The following FBXL7 variants were observed in gnomAD, a reference collection of about 807,000 sequenced individuals.
The protein encoded by FBXL7 is F-box/LRR-repeat protein 7.
Under a neutral mutation model 38.3 loss-of-function variants are expected in FBXL7, and 12 were observed. The ratio of observed to expected loss-of-function variants is 0.31; its 90% CI spans 0.20 to 0.51. The LOEUF is 0.51. Among genes scored for constraint, FBXL7 ranks in the 20% least tolerant of loss-of-function variants. FBXL7 has a pLI of 0.98. For missense variants in FBXL7, 567 were observed against 676.4 expected (o/e 0.84, Z 1.79); for synonymous variants, 297 against 300.9 (o/e 0.99, Z 0.13).
intron 2 of FBXL7, among the ~76,000 whole-genome samples, chr5:15,698,940 C>T (rs1352833962): frequency 6.6e-6 from 1 of 152,108 alleles, no homozygotes; most frequent in Non-Finnish European, 1.5e-5. Context: ...TGCCATAGAC[C>T]CTGAGACACT....
At chr5:15,684,488 C>T (rs1298763624) in intron 2 of FBXL7, among the ~76,000 whole-genome samples, 1 of 151,976 alleles carries the variant, frequency 6.6e-6, no homozygotes, top group South Asian at 2.1e-4. Flanking sequence ...AATAATGGCC[C>T]CCAAGAATGT....
chr5:15,812,749 C>T (rs1005315444), intron 2 of FBXL7, among the ~76,000 whole-genome samples: 22 of 152,088 alleles, frequency 1.4e-4, no homozygotes, highest in African/African-American at 5.3e-4. Flanking sequence ...GATATTGATT[C>T]TTCCTATCCA....
chr5:15,877,936 A>G (rs1007739761), intron 2 of FBXL7, among the ~76,000 whole-genome samples: 1 of 152,076 alleles, frequency 6.6e-6, no homozygotes, highest in African/African-American at 2.4e-5. Context: ...GTCTCTTCAT[A>G]CAGTTTCTCG....
At chr5:15,585,687 T>C (rs965426423) in intron 1 of FBXL7, among the ~76,000 whole-genome samples, 2 of 152,240 alleles carry the variant, frequency 1.3e-5, no homozygotes, top group Non-Finnish European at 2.9e-5. Context: ...CCATTAACTC[T>C]AACTCCATCA....
At chr5:15,506,022 A>G (rs1239985597) in intron 1 of FBXL7, among the ~76,000 whole-genome samples, 1 of 152,214 alleles carries the variant, frequency 6.6e-6, no homozygotes, top group South Asian at 2.1e-4. Context: ...GTAAGACAGC[A>G]AAGCTAGCAG....
intron 1 of FBXL7, among the ~76,000 whole-genome samples, chr5:15,539,283 A>G (rs1737670807): frequency 1.3e-5 from 2 of 152,188 alleles, no homozygotes; most frequent in Admixed American, 1.3e-4. Flanking sequence ...ATAGGGATTC[A>G]TAGTTAAATG....
Position 15,577,255 on chromosome 5 carries a change from G to A in FBXL7, c.38-38728G>A, listed in dbSNP as rs138278247. Among the ~76,000 whole-genome samples, 635 of 152,172 alleles carry A rather than the reference G, an allele frequency of 4.2e-3. 7 individuals are homozygous for A. The highest frequency in any genetic ancestry group is 0.015 in the African/African-American group (602 of 41,504). ...CGTGGCCTCTGACAATGTCATCCAC[G>A]TCCTCGTGGCGTTAATTATCTACAC... On this transcript the variant is annotated intron_variant, in intron 1 of 3. Coordinates refer to ENST00000504595, the MANE Select transcript of FBXL7 (RefSeq NM_012304.5).
At position 15,912,521 on chromosome 5, in the gene FBXL7, G is replaced by C. The variant is rs551600679; in HGVS notation, c.128-15369G>C. Among the ~76,000 whole-genome samples, 6 of 152,088 alleles carry C rather than the reference G, an allele frequency of 3.9e-5. 1 individual carries two copies. Among genetic ancestry groups the C allele is most frequent in the Middle Eastern group, 3.4e-3 (1 of 294 alleles). On this transcript the variant is annotated intron_variant, in intron 2 of 3. Coordinates refer to ENST00000504595, the MANE Select transcript of FBXL7 (RefSeq NM_012304.5). ...ACGCTGGGAGCTGTAGACCGGAGCT[G>C]TTCCTATTTGGCCATCTTGGCTCCT...
At chr5:15,927,785 A>ATG in intron 2 of FBXL7, 105 bp from the exon 3 acceptor site, 1 of 801,038 alleles carries the variant, frequency 1.2e-6, no homozygotes, top group Non-Finnish European at 1.7e-6. Flanking sequence ...AAAAAAAAAA[A>ATG]AAGAAGAAGA....
intron 2 of FBXL7, among the ~76,000 whole-genome samples, chr5:15,633,007 A>G (rs889243460): frequency 6.6e-6 from 1 of 152,224 alleles, no homozygotes; most frequent in Non-Finnish European, 1.5e-5. Context: ...ACAAAAGTTG[A>G]AATTGTAAAA....
intron 2 of FBXL7, among the ~76,000 whole-genome samples, chr5:15,672,300 A>C (rs182924341): frequency 6.6e-6 from 1 of 152,290 alleles, no homozygotes; most frequent in East Asian, 1.9e-4. Context: ...ATGTCTTTAA[A>C]CTACTTGAAA....
At position 15,610,003 on chromosome 5, in the gene FBXL7, G is replaced by A. The variant is rs188101371; in HGVS notation, c.38-5980G>A. ...CAACATGGTGGAAGACAAAAAGCAC[G>A]TCTTACATGGCAGCAGGCAAGAGAG... On this transcript the variant is annotated intron_variant, in intron 1 of 3. Transcript: ENST00000504595. Among the ~76,000 whole-genome samples, 176 of 152,298 alleles carry A rather than the reference G, an allele frequency of 1.2e-3. 1 individual carries two copies. Among genetic ancestry groups the A allele is most frequent in the African/African-American group, 3.7e-3 (155 of 41,574 alleles).
Position 15,700,224 on chromosome 5 carries a change from T to G in FBXL7, c.127+84152T>G, listed in dbSNP as rs538800775. Among the ~76,000 whole-genome samples, 4 of 152,244 alleles carry G rather than the reference T, an allele frequency of 2.6e-5. No individual in the cohort carries two copies. The South Asian group carries it at 6.2e-4, about 24-fold the overall frequency. ...AGTGGAACTAAAATGTAAACATGAG[T>G]TCACCCTAGTCTCTAAAGACTTCAA... is the stretch of plus-strand genomic sequence containing the variant. On this transcript the variant is annotated intron_variant, in intron 2 of 3. Coordinates refer to ENST00000504595, the MANE Select transcript of FBXL7 (RefSeq NM_012304.5).
Position 15,777,633 on chromosome 5 carries a change from G to A in FBXL7, c.128-150257G>A, listed in dbSNP as rs543523036. Among the ~76,000 whole-genome samples the A allele has an allele frequency of 2.7e-5, 4 of 146,784 alleles. No individual in the cohort carries two copies. In the South Asian group the frequency reaches 6.4e-4, roughly 24 times the overall value. On this transcript the variant is annotated intron_variant, in intron 2 of 3. Coordinates refer to ENST00000504595, the MANE Select transcript of FBXL7 (RefSeq NM_012304.5). ...TTGAATCAAAATTTAAAAGCTCAGT[G>A]CATAGAAATTTTGGGTCCTAGGAGA...
chr5:15,508,845 T>C (rs888938116), intron 1 of FBXL7, among the ~76,000 whole-genome samples: 1 of 152,266 alleles, frequency 6.6e-6, no homozygotes, highest in African/African-American at 2.4e-5. Flanking sequence ...ATTTTGAAAA[T>C]CTACCAATTT....
intron 2 of FBXL7, among the ~76,000 whole-genome samples, chr5:15,808,380 A>C (rs1218524688): frequency 6.6e-6 from 1 of 152,038 alleles, no homozygotes. Flanking sequence ...TCCAGTTGTA[A>C]ATCCTTCCAT....
intron 1 of FBXL7, among the ~76,000 whole-genome samples, chr5:15,527,359 T>C (rs1299728873): frequency 6.6e-6 from 1 of 152,214 alleles, no homozygotes; most frequent in African/African-American, 2.4e-5. Flanking sequence ...TGGTGATTTT[T>C]TTCTTATTAT....
At chr5:15,675,222 C>A (rs1392004825) in intron 2 of FBXL7, among the ~76,000 whole-genome samples, 2 of 152,156 alleles carry the variant, frequency 1.3e-5, no homozygotes, top group Non-Finnish European at 2.9e-5. Context: ...AGTATTTTTG[C>A]TGTAGTTGAA....
At chr5:15,892,855 C>T (rs751917096) in intron 2 of FBXL7, among the ~76,000 whole-genome samples, 29 of 152,142 alleles carry the variant, frequency 1.9e-4, no homozygotes, top group African/African-American at 5.8e-4. Context: ...CGGTGGCTCA[C>T]GCCTGTAATC....
Sources: allele counts gnomAD v4.1 joint callset (sites outside exome capture counted in the v4.1 genomes callset), GRCh38; gene constraint gnomAD v4.1.1; transcripts MANE v1.5; gene names NCBI Gene and HGNC (gene_info 2026-07-23, HGNC 2026-07-21).